Variants in INTS9 observed in about 807,000 individuals in gnomAD.
The protein encoded by INTS9 is protein related to CPSF subunits of 74 kDa.
Under a neutral mutation model 79.7 loss-of-function variants are expected in INTS9, and 55 were observed. The observed-to-expected ratio is 0.69, with a 90% CI of 0.56 to 0.86. The LOEUF is 0.86. Ranked by LOEUF, INTS9 falls within the 40% of genes least tolerant of loss-of-function variation. The pLI is 0.00. For missense variants in INTS9, 721 were observed against 831.5 expected (o/e 0.87, Z 1.64); for synonymous variants, 319 against 325.2 (o/e 0.98, Z 0.20).
chr8:28,841,314 A>G (rs1181724543), intron 4 of INTS9, among the ~76,000 whole-genome samples: 1 of 152,210 alleles, frequency 6.6e-6, no homozygotes, highest in Non-Finnish European at 1.5e-5. Flanking sequence ...TTTTAAACAA[A>G]TAAGGAAATT....
At chr8:28,848,826 C>T (rs1807672483) in intron 3 of INTS9, among the ~76,000 whole-genome samples, 2 of 152,196 alleles carry the variant, frequency 1.3e-5, no homozygotes, top group Non-Finnish European at 2.9e-5. Context: ...TCACCACTCC[C>T]TTCTAATGAA....
chr8:28,876,816 GA>G (rs1372978102), intron 1 of INTS9, among the ~76,000 whole-genome samples: 2 of 151,942 alleles, frequency 1.3e-5, no homozygotes, highest in Non-Finnish European at 2.9e-5. Context: ...CTTCTTATAT[GA>G]AAACCACACA....
Position 28,768,081 on chromosome 8 carries a change from G to C in INTS9, c.*65C>G. On this transcript the variant is annotated 3_prime_UTR_variant, in exon 17 of 17. Coordinates refer to ENST00000521022, the MANE Select transcript of INTS9 (RefSeq NM_018250.4). ...TAATGGCCTCTCATGCCACTCCTCA[G>C]GTGGCTTGTGAGGGCAGCCAGTGAG... The C allele has an allele frequency of 6.8e-7, 1 of 1,460,234 alleles. No individual in the cohort carries two copies. The highest frequency in any genetic ancestry group is 1.2e-5 in the South Asian group (1 of 86,910). 90.5% of individuals were successfully genotyped at this position (1,460,234 alleles called of 1,614,324 possible).
At chr8:28,819,652 G>A (rs1376915134) in intron 6 of INTS9, among the ~76,000 whole-genome samples, 1 of 152,240 alleles carries the variant, frequency 6.6e-6, no homozygotes, top group Non-Finnish European at 1.5e-5. Context: ...GGAGAGTTCT[G>A]TAGATGTCTA....
At chr8:28,823,218 C>T (rs1438516094) in intron 6 of INTS9, among the ~76,000 whole-genome samples, 1 of 152,194 alleles carries the variant, frequency 6.6e-6, no homozygotes, top group Non-Finnish European at 1.5e-5. Context: ...GGTAAAGGCA[C>T]CTGAAAAACA....
intron 3 of INTS9, among the ~76,000 whole-genome samples, 180 bp from the exon 4 acceptor site, chr8:28,846,989 AT>A (rs1807556306): frequency 1.3e-5 from 2 of 152,202 alleles, no homozygotes; most frequent in Non-Finnish European, 2.9e-5. Flanking sequence ...CAAGTGTCTT[AT>A]TAAGGGTAAA....
intron 1 of INTS9, among the ~76,000 whole-genome samples, chr8:28,863,476 T>C (rs967111873): frequency 6.6e-6 from 1 of 152,194 alleles, no homozygotes; most frequent in East Asian, 1.9e-4. Context: ...GCAAAAGTTA[T>C]ATAAATTTTA....
chr8:28,889,024 T>A (rs1006311874), intron 1 of INTS9, among the ~76,000 whole-genome samples: 1 of 152,070 alleles, frequency 6.6e-6, no homozygotes, highest in Non-Finnish European at 1.5e-5. Context: ...CTGCCTCAAG[T>A]AAAGCTTGAC....
At chr8:28,884,882 T>C (rs945331614) in intron 1 of INTS9, among the ~76,000 whole-genome samples, 1 of 152,224 alleles carries the variant, frequency 6.6e-6, no homozygotes, top group African/African-American at 2.4e-5. Context: ...CCTGTTTTCA[T>C]GTACAACCTA....
intron 1 of INTS9, among the ~76,000 whole-genome samples, chr8:28,870,727 A>C (rs1809045360): frequency 6.6e-6 from 1 of 152,230 alleles, no homozygotes; most frequent in African/African-American, 2.4e-5. Flanking sequence ...TGCTGGTCAC[A>C]ATTGTGAAGA....
At chr8:28,770,098 G>A (rs1585316746) in intron 15 of INTS9, 72 bp from the exon 16 acceptor site, 2 of 1,561,820 alleles carry the variant, frequency 1.3e-6, no homozygotes, top group East Asian at 4.5e-5. Context: ...GCCACACTGA[G>A]AGCCTGAGAC....
intron 1 of INTS9, among the ~76,000 whole-genome samples, chr8:28,877,707 G>A (rs1334458954): frequency 6.6e-6 from 1 of 152,066 alleles, no homozygotes; most frequent in Non-Finnish European, 1.5e-5. Context: ...CTATGCAACC[G>A]GTTTTTCTTT....
chr8:28,862,662 G>A (rs1202021735), intron 1 of INTS9, among the ~76,000 whole-genome samples: 7 of 152,136 alleles, frequency 4.6e-5, no homozygotes, highest in African/African-American at 1.4e-4. Flanking sequence ...TATTTACAAT[G>A]TCATTGGTAA....
intron 3 of INTS9, among the ~76,000 whole-genome samples, chr8:28,848,039 T>G (rs1339867047): frequency 6.6e-6 from 1 of 152,202 alleles, no homozygotes; most frequent in Non-Finnish European, 1.5e-5. Context: ...GTCTGAGAGA[T>G]ATGGGTGGGC....
chr8:28,805,906 G>C (rs17059477), intron 8 of INTS9, among the ~76,000 whole-genome samples: 3 of 151,788 alleles, frequency 2.0e-5, no homozygotes. Flanking sequence ...AACACAAACA[G>C]GCTCACCAAC....
chr8:28,824,374 T>C (rs1585418639), intron 6 of INTS9, among the ~76,000 whole-genome samples: 1 of 152,348 alleles, frequency 6.6e-6, no homozygotes, highest in South Asian at 2.1e-4. Context: ...GGCCCTTCTT[T>C]ATCTGGGTGC....
At chr8:28,824,794 G>A (rs912661591) in intron 6 of INTS9, among the ~76,000 whole-genome samples, 8 of 152,176 alleles carry the variant, frequency 5.3e-5, no homozygotes, top group Non-Finnish European at 1.2e-4. Context: ...AACCAGAGAA[G>A]TCTAGGTTTA....
intron 8 of INTS9, among the ~76,000 whole-genome samples, chr8:28,804,309 G>A (rs768282673): frequency 1.3e-5 from 2 of 152,174 alleles, no homozygotes; most frequent in Non-Finnish European, 2.9e-5. Context: ...ATCAAAACTG[G>A]GATAAATTCC....
chr8:28,885,095 A>T (rs935899073), intron 1 of INTS9, among the ~76,000 whole-genome samples: 1 of 152,226 alleles, frequency 6.6e-6, no homozygotes, highest in Non-Finnish European at 1.5e-5. Flanking sequence ...CAGTCCATGA[A>T]TTCATTTCTT....
Sources: allele counts gnomAD v4.1 joint callset (sites outside exome capture counted in the v4.1 genomes callset), GRCh38; gene constraint gnomAD v4.1.1; transcripts MANE v1.5; gene names NCBI Gene and HGNC (gene_info 2026-07-23, HGNC 2026-07-21).